The following HMGCLL1 variants were observed in gnomAD, a reference collection of about 807,000 sequenced individuals.
HMGCLL1 encodes 3-hydroxymethyl-3-methylglutaryl-CoA lyase, cytoplasmic.
HMGCLL1 carries 36 observed loss-of-function variants against 39.1 expected under a neutral mutation model. That is an observed-to-expected ratio of 0.92 (90% confidence interval 0.71 to 1.22). The LOEUF is 1.22. Among genes scored for constraint, HMGCLL1 ranks in the 50% most tolerant of loss-of-function variants. The probability of loss-of-function intolerance (pLI) is 0.00; values close to 1 mark genes in which losing one functional copy is unlikely to be tolerated. For missense variants in HMGCLL1, 451 were observed against 416.5 expected, an observed-to-expected ratio of 1.08 and a Z score of -0.72; for synonymous variants, 149 against 144.0, an observed-to-expected ratio of 1.03 and a Z score of -0.25.
chr6:55,593,393 C>T, the HMGCLL1 span, among the ~76,000 whole-genome samples: 8 of 152,128 alleles, frequency 5.3e-5, no homozygotes, highest in Non-Finnish European at 7.4e-5. Flanking sequence ...TTCCTTTTAA[C>T]CTTTTACAAA....
intron 8 of HMGCLL1, among the ~76,000 whole-genome samples, chr6:55,438,492 C>T (rs2127379114): frequency 6.6e-6 from 1 of 152,140 alleles, no homozygotes; most frequent in East Asian, 1.9e-4. Flanking sequence ...AACAGTTTGA[C>T]CTGGGGGATA....
At chr6:55,575,395 T>C (rs1771712918) in intron 1 of HMGCLL1, among the ~76,000 whole-genome samples, 1 of 152,150 alleles carries the variant, frequency 6.6e-6, no homozygotes, top group Non-Finnish European at 1.5e-5. Context: ...TATATATTCA[T>C]ACACACAATA....
At chr6:55,602,675 G>A in the HMGCLL1 span, among the ~76,000 whole-genome samples, 1 of 151,818 alleles carries the variant, frequency 6.6e-6, no homozygotes, top group Non-Finnish European at 1.5e-5. Context: ...TGTAAAAAAT[G>A]TCACATTCAA....
At chr6:55,596,651 T>A in the HMGCLL1 span, among the ~76,000 whole-genome samples, 5 of 152,330 alleles carry the variant, frequency 3.3e-5, no homozygotes, top group Non-Finnish European at 2.9e-5. Flanking sequence ...ATAGTAAAAG[T>A]TTCAGGACAT....
At chr6:55,655,865 C>T in the HMGCLL1 span, among the ~76,000 whole-genome samples, 9 of 151,914 alleles carry the variant, frequency 5.9e-5, no homozygotes, top group Admixed American at 1.3e-4. Context: ...ACATCTACTC[C>T]TATACATTAT....
chr6:55,627,049 G>GAAAAA, the HMGCLL1 span, among the ~76,000 whole-genome samples: 57 of 85,810 alleles, frequency 6.6e-4, 1 homozygote, highest in South Asian at 1.1e-3. Flanking sequence ...CACTCCACCA[G>GAAAAA]AAAAAAAAAA....
the HMGCLL1 span, among the ~76,000 whole-genome samples, chr6:55,599,619 C>T: frequency 6.6e-6 from 1 of 152,146 alleles, no homozygotes; most frequent in African/African-American, 2.4e-5. Flanking sequence ...TAAGTACTAA[C>T]TCCAATTACT....
chr6:55,558,320 CTA>C (rs1770773219), intron 1 of HMGCLL1, among the ~76,000 whole-genome samples: 1 of 152,186 alleles, frequency 6.6e-6, no homozygotes, highest in Non-Finnish European at 1.5e-5. Flanking sequence ...GATGAATGCA[CTA>C]TCACTTTTTA....
chr6:55,666,411 A>T, the HMGCLL1 span, among the ~76,000 whole-genome samples: 5 of 151,724 alleles, frequency 3.3e-5, no homozygotes, highest in African/African-American at 4.8e-5. Flanking sequence ...TGCCCGAGTT[A>T]AAGTCAGGGT....
the HMGCLL1 span, among the ~76,000 whole-genome samples, chr6:55,621,993 C>A: frequency 1.3e-5 from 2 of 151,918 alleles, no homozygotes; most frequent in African/African-American, 4.8e-5. Flanking sequence ...ACTTTCTCTT[C>A]TTTGGTTAAT....
At chr6:55,554,447 C>A (rs1770542171) in intron 1 of HMGCLL1, among the ~76,000 whole-genome samples, 1 of 151,956 alleles carries the variant, frequency 6.6e-6, no homozygotes, top group African/African-American at 2.4e-5. Context: ...TTGACCTACA[C>A]CCTCAAGCAA....
intron 3 of HMGCLL1, among the ~76,000 whole-genome samples, chr6:55,519,049 T>C (rs529268954): frequency 1.3e-5 from 2 of 152,182 alleles, no homozygotes; most frequent in Admixed American, 1.3e-4. Flanking sequence ...TAGTGAACAA[T>C]TGGGGATAAG....
intron 7 of HMGCLL1, among the ~76,000 whole-genome samples, chr6:55,469,419 GTATACATATATAAGTATA>G (rs1303209259): frequency 9.2e-6 from 1 of 108,956 alleles, no homozygotes; most frequent in Non-Finnish European, 2.2e-5. Context: ...ATACTTATAA[GTATACATATATAAGTATA>G]TATACATATA....
chr6:55,539,917 A>AGAAG lies in HMGCLL1; in HGVS notation c.297+1811_297+1812insCTTC, dbSNP rs1292123316. On this transcript the variant is annotated intron_variant, in intron 3 of 8. Coordinates refer to ENST00000274901, the MANE Select transcript of HMGCLL1 (RefSeq NM_001042406.2). The stretch of plus-strand genomic sequence containing the variant: ...AAGAAAGAAAGAAAGAAAGAAAGAA[A>AGAAG]GAAAAGGAGGATGAGGAGGAGGAGA... Among the ~76,000 whole-genome samples the AGAAG allele has an allele frequency of 1.3e-4, 18 of 133,368 alleles. 1 individual carries two copies. Among genetic ancestry groups the AGAAG allele is most frequent in the Admixed American group, 1.2e-3 (16 of 13,404 alleles). 87.5% of individuals were successfully genotyped at this position (133,368 alleles called of 152,430 possible).
intron 8 of HMGCLL1, among the ~76,000 whole-genome samples, chr6:55,437,579 G>A (rs12195882): frequency 0.3 from 46,173 of 151,824 alleles, 7,707 homozygotes; most frequent in East Asian, 0.37. Context: ...TATCCATGGC[G>A]TATATGGATA....
At chr6:55,651,620 A>G in the HMGCLL1 span, among the ~76,000 whole-genome samples, 4 of 152,004 alleles carry the variant, frequency 2.6e-5, no homozygotes, top group African/African-American at 4.8e-5. Flanking sequence ...GTGCCACCCT[A>G]GTTCACTGGC....
At chr6:55,650,082 C>CATATAT in the HMGCLL1 span, among the ~76,000 whole-genome samples, 7 of 73,574 alleles carry the variant, frequency 9.5e-5, no homozygotes, top group South Asian at 5.5e-4. Context: ...TATATACACA[C>CATATAT]ACATATACAT....
chr6:55,588,961 G>T, the HMGCLL1 span, among the ~76,000 whole-genome samples: 2 of 147,750 alleles, frequency 1.4e-5, no homozygotes, highest in South Asian at 4.5e-4. Context: ...ATTCACAGCC[G>T]AATTCTACCA....
the HMGCLL1 span, among the ~76,000 whole-genome samples, chr6:55,610,814 C>G: frequency 1.3e-5 from 2 of 152,042 alleles, no homozygotes; most frequent in Admixed American, 1.3e-4. Flanking sequence ...AAAGGGAAGC[C>G]CATCAGATTA....
Sources: gnomAD v4.1 joint callset for allele counts (sites outside exome capture counted in the v4.1 genomes callset) on GRCh38, gnomAD v4.1.1 for gene constraint, MANE v1.5 for transcripts, NCBI Gene and HGNC (gene_info 2026-07-23, HGNC 2026-07-21) for gene names.